Variants in GNG12 observed in about 807,000 individuals in gnomAD.
GNG12 encodes the protein guanine nucleotide-binding protein G(I)/G(S)/G(O) subunit gamma-12.
For missense variants in GNG12, 69 were observed against 83.8 expected, an observed-to-expected ratio of 0.82 and a Z score of 0.69; for synonymous variants, 28 against 29.7, an observed-to-expected ratio of 0.94 and a Z score of 0.19.
At position 67,705,390 on chromosome 1, in the gene GNG12, T is replaced by C; in HGVS notation, c.*61A>G. Reference sequence around the variant, plus strand: ...CCAAATAAGCTGAAGGTAAATCTCTTCAAGGAGCTGCTCATAATTTGCGTT... The same window carrying C: ...CCAAATAAGCTGAAGGTAAATCTCTCCAAGGAGCTGCTCATAATTTGCGTT... On this transcript the variant is annotated 3_prime_UTR_variant, in exon 4 of 4. Coordinates refer to ENST00000370982, the MANE Select transcript of GNG12 (RefSeq NM_018841.6). The C allele has an allele frequency of 2.5e-6, 4 of 1,593,036 alleles. No individual in the cohort carries two copies. The South Asian group carries it at 4.6e-5, about 18-fold the overall frequency.
At chr1:67,809,689 T>G (rs1186939158) in intron 1 of GNG12, among the ~76,000 whole-genome samples, 1 of 152,074 alleles carries the variant, frequency 6.6e-6, no homozygotes. Flanking sequence ...AGGTTCAATA[T>G]TACGTCACTG....
intron 3 of GNG12, 71 bp downstream of exon 3, chr1:67,707,523 C>A (rs1279330243): frequency 1.2e-6 from 1 of 835,330 alleles, no homozygotes; most frequent in Non-Finnish European, 2.0e-6. Context: ...TCTTCTCTGA[C>A]AAGTGGTCCA....
chr1:67,755,874 G>A (rs906783631), intron 2 of GNG12, among the ~76,000 whole-genome samples: 3 of 152,124 alleles, frequency 2.0e-5, no homozygotes, highest in African/African-American at 7.2e-5. Context: ...GAGATCACTG[G>A]TAGTAAGGTT....
chr1:67,817,572 G>A (rs1354816611), intron 1 of GNG12, among the ~76,000 whole-genome samples: 1 of 139,002 alleles, frequency 7.2e-6, no homozygotes, highest in Non-Finnish European at 1.7e-5. Context: ...GCATAGCCCG[G>A]CACACCCCTC....
chr1:67,704,820 A>G lies in GNG12; in HGVS notation c.*631T>C, dbSNP rs1646236787. ...CTTGATTACAATGAATACAATCTTT[A>G]GGATACTCTTTACTTTTTGTACAAT... is the stretch of plus-strand genomic sequence containing the variant. On this transcript the variant is annotated 3_prime_UTR_variant, in exon 4 of 4. Coordinates refer to ENST00000370982, the MANE Select transcript of GNG12 (RefSeq NM_018841.6). The G allele has an allele frequency of 6.6e-6, 1 of 152,610 alleles. No homozygotes were observed. Among genetic ancestry groups the G allele is most frequent in the Non-Finnish European group, 1.5e-5 (1 of 68,054 alleles). The allele number at this position is 152,610 out of a possible 1,614,324, so 9.5% of individuals were successfully genotyped here.
At chr1:67,772,975 C>A (rs1557612580) in intron 2 of GNG12, among the ~76,000 whole-genome samples, 1 of 152,194 alleles carries the variant, frequency 6.6e-6, no homozygotes, top group African/African-American at 2.4e-5. Context: ...AAAGTCAAGA[C>A]AGAGTGAAAG....
Position 67,833,336 on chromosome 1 carries a change from G to A in GNG12, c.-77+8C>T, listed in dbSNP as rs530280845. On this transcript the variant is annotated splice_region_variant and intron_variant, in intron 1 of 3. Transcript: ENST00000370982. ...ACTCACCACCCGCGCCCGCCGCTTG[G>A]TACTCACCCGCCTGCCGGTGCGCTG... 7.7e-5 allele frequency: 75 copies of A among 969,908 alleles called. No homozygotes were observed. The African/African-American group carries it at 1.2e-3, about 15-fold the overall frequency. The allele number at this position is 969,908 out of a possible 1,614,324, so 60.1% of individuals were successfully genotyped here. A position where few individuals can be genotyped will look rare whatever the true frequency, so the allele number is the denominator to read the frequency against.
chr1:67,802,993 A>G (rs1646875144), intron 1 of GNG12, among the ~76,000 whole-genome samples: 1 of 152,248 alleles, frequency 6.6e-6, no homozygotes, highest in Admixed American at 6.5e-5. Context: ...AGAATGATGA[A>G]GTCCAGAAAA....
At chr1:67,710,177 T>G (rs1362948288) in intron 2 of GNG12, among the ~76,000 whole-genome samples, 1 of 28,356 alleles carries the variant, frequency 3.5e-5, no homozygotes, top group Non-Finnish European at 6.4e-5. Context: ...TATATATATA[T>G]AGTTATATAT....
intron 1 of GNG12, among the ~76,000 whole-genome samples, chr1:67,827,241 G>A (rs150827200): frequency 1.1e-4 from 17 of 152,258 alleles, no homozygotes; most frequent in African/African-American, 3.9e-4. Context: ...GTGGCCTACT[G>A]TGTCAGAAAG....
Position 67,806,427 on chromosome 1 carries a change from C to T in GNG12, c.-77+26917G>A, listed in dbSNP as rs868378702. Among the ~76,000 whole-genome samples the T allele has an allele frequency of 6.6e-5, 10 of 151,938 alleles. No homozygotes were observed. In the South Asian group the frequency reaches 1.9e-3, roughly 29 times the overall value. On this transcript the variant is annotated intron_variant, in intron 1 of 3. Coordinates refer to ENST00000370982, the MANE Select transcript of GNG12 (RefSeq NM_018841.6). ...TGAAAAATACAATATTTAATATTTA[C>T]GGGATGTGAAACCCACATATATGGA... is the stretch of plus-strand genomic sequence containing the variant.
rs1646229914 is a variant in GNG12 at position 67,703,965 on chromosome 1, T to G, written c.*1486A>C. ...TTTTTAACCTTTCCTTAGTAGTTAC[T>G]TTTAATGAACTGAAGAAGAATTAAA... is the stretch of plus-strand genomic sequence containing the variant. On this transcript the variant is annotated 3_prime_UTR_variant, in exon 4 of 4. Transcript: ENST00000370982. The G allele has an allele frequency of 6.6e-6, 1 of 152,274 alleles. No individual in the cohort carries two copies. Among genetic ancestry groups the G allele is most frequent in the South Asian group, 2.1e-4 (1 of 4,830 alleles). 9.4% of individuals were successfully genotyped at this position (152,274 alleles called of 1,614,324 possible).
At chr1:67,754,745 A>G (rs1490704183) in intron 2 of GNG12, among the ~76,000 whole-genome samples, 1 of 152,194 alleles carries the variant, frequency 6.6e-6, no homozygotes, top group Non-Finnish European at 1.5e-5. Context: ...CAGGATACCG[A>G]GCACACTTGT....
chr1:67,761,668 C>T lies in GNG12; in HGVS notation c.-27+15790G>A, dbSNP rs180827960. 1.2e-3 allele frequency among the ~76,000 whole-genome samples: 179 copies of T among 152,280 alleles called. 1 individual carries two copies. Among genetic ancestry groups the T allele is most frequent in the African/African-American group, 4.2e-3 (173 of 41,552 alleles). On this transcript the variant is annotated intron_variant, in intron 2 of 3. Coordinates refer to ENST00000370982, the MANE Select transcript of GNG12 (RefSeq NM_018841.6). ...GTTTTATGATTCCAAATAAATAAAACACATTTCCAACAGTTCAGCAGGGTA... is the reference window on the plus strand; with the variant it reads ...GTTTTATGATTCCAAATAAATAAAATACATTTCCAACAGTTCAGCAGGGTA...
chr1:67,830,712 A>G (rs969433564), intron 1 of GNG12, among the ~76,000 whole-genome samples: 1 of 152,226 alleles, frequency 6.6e-6, no homozygotes, highest in Non-Finnish European at 1.5e-5. Flanking sequence ...TATTAAAACT[A>G]TTAATCCTTT....
intron 1 of GNG12, among the ~76,000 whole-genome samples, chr1:67,809,509 A>C (rs1239082919): frequency 2.0e-5 from 3 of 152,204 alleles, no homozygotes; most frequent in Non-Finnish European, 4.4e-5. Flanking sequence ...AGACTGGGAG[A>C]AAATATTTGC....
rs182196350 is a variant in GNG12, at chr1:67,716,037, T to C, written c.-26-8325A>G. Among the ~76,000 whole-genome samples, 113 of 152,206 alleles carry C rather than the reference T, an allele frequency of 7.4e-4. 1 individual carries two copies. In the East Asian group the frequency reaches 0.015, roughly 20 times the overall value. Reference sequence around the variant, plus strand: ...CTGCAAGTGCTGCCCTGGTCTGGCATAGTTATGAGAGCAAAGAGCAAAAGA... The same window carrying C: ...CTGCAAGTGCTGCCCTGGTCTGGCACAGTTATGAGAGCAAAGAGCAAAAGA... On this transcript the variant is annotated intron_variant, in intron 2 of 3. Coordinates refer to ENST00000370982, the MANE Select transcript of GNG12 (RefSeq NM_018841.6).
intron 2 of GNG12, among the ~76,000 whole-genome samples, chr1:67,712,697 A>G (rs1303566429): frequency 6.6e-6 from 1 of 152,144 alleles, no homozygotes; most frequent in Non-Finnish European, 1.5e-5. Flanking sequence ...CCATTTAAAA[A>G]AAAAAAGTTA....
chr1:67,706,305 A>G (rs1037691741), intron 3 of GNG12, among the ~76,000 whole-genome samples: 2 of 152,250 alleles, frequency 1.3e-5, no homozygotes, highest in Non-Finnish European at 2.9e-5. Flanking sequence ...ACACACTTTA[A>G]GAACTGAACG....
Sources: gnomAD v4.1 joint callset for allele counts (sites outside exome capture counted in the v4.1 genomes callset) on GRCh38, gnomAD v4.1.1 for gene constraint, MANE v1.5 for transcripts, NCBI Gene and HGNC (gene_info 2026-07-23, HGNC 2026-07-21) for gene names.